The following RHBDL3 variants were observed in gnomAD, a reference collection of about 807,000 sequenced individuals.
RHBDL3 encodes rhomboid like 3, also known as rhomboid-related protein 3.
In RHBDL3, 28 loss-of-function variants were observed where a neutral mutation model predicts 48.2. The ratio of observed to expected loss-of-function variants is 0.58; its 90% CI spans 0.43 to 0.80. The LOEUF (loss-of-function observed/expected upper bound fraction) is 0.80, where lower values mean the gene tolerates loss of function less well. RHBDL3 is among the 30% of genes least tolerant of loss of function. RHBDL3 has a pLI of 0.00. For synonymous variants in RHBDL3, 208 were observed against 232.3 expected, an observed-to-expected ratio of 0.90 and a Z score of 0.95; for missense variants, 464 against 542.7, an observed-to-expected ratio of 0.85 and a Z score of 1.44.
Position 32,294,277 on chromosome 17 carries a change from C to G in RHBDL3, c.520-17C>G. On this transcript the variant is annotated splice_polypyrimidine_tract_variant and intron_variant, in intron 4 of 8. Transcript: ENST00000269051. ...GGCAGTGTGCACCTAGTAACAGACT[C>G]TCTCTCTTCTGTCCAGGTTGCCTTT... is the stretch of plus-strand genomic sequence containing the variant. The G allele has an allele frequency of 1.2e-6, 2 of 1,611,772 alleles. No individual in the cohort carries two copies. Among genetic ancestry groups the G allele is most frequent in the Non-Finnish European group, 1.7e-6 (2 of 1,178,698 alleles).
chr17:32,313,489 T>C (rs2040891845), intron 7 of RHBDL3, among the ~76,000 whole-genome samples: 1 of 152,230 alleles, frequency 6.6e-6, no homozygotes, highest in Non-Finnish European at 1.5e-5. Flanking sequence ...ATTCACATTG[T>C]ACAATCATCG....
At chr17:32,317,228 T>A (rs1015279928) in intron 8 of RHBDL3, among the ~76,000 whole-genome samples, 3 of 152,154 alleles carry the variant, frequency 2.0e-5, no homozygotes, top group Non-Finnish European at 4.4e-5. Flanking sequence ...GAAAAGTGCT[T>A]AAGGACCAGC....
intron 1 of RHBDL3, among the ~76,000 whole-genome samples, 192 bp downstream of exon 1, chr17:32,266,492 C>G (rs946109018): frequency 1.3e-5 from 2 of 152,138 alleles, no homozygotes; most frequent in African/African-American, 2.4e-5. Context: ...CCGCTTCCCC[C>G]GCTCTGGTTC....
At chr17:32,275,056 T>C (rs1398031827) in intron 2 of RHBDL3, among the ~76,000 whole-genome samples, 1 of 152,138 alleles carries the variant, frequency 6.6e-6, no homozygotes, top group Non-Finnish European at 1.5e-5. Context: ...CTGTTGGCTC[T>C]CTCTCCTCTG....
chr17:32,268,216 T>C (rs1351097337), intron 2 of RHBDL3, among the ~76,000 whole-genome samples: 3 of 152,102 alleles, frequency 2.0e-5, no homozygotes, highest in African/African-American at 7.2e-5. Context: ...TGGGAAATCC[T>C]CCATATGCCA....
At chr17:32,287,316 A>G (rs1461338414) in intron 3 of RHBDL3, among the ~76,000 whole-genome samples, 1 of 152,070 alleles carries the variant, frequency 6.6e-6, no homozygotes, top group Non-Finnish European at 1.5e-5. Context: ...AGTGGCCACA[A>G]AATAATCTGA....
intron 2 of RHBDL3, among the ~76,000 whole-genome samples, chr17:32,281,536 C>T (rs1044664192): frequency 5.3e-5 from 8 of 152,118 alleles, no homozygotes; most frequent in Non-Finnish European, 1.0e-4. Context: ...CCTTCTCAGC[C>T]CGCACCCCAC....
At chr17:32,310,625 A>G (rs1278134743) in intron 7 of RHBDL3, among the ~76,000 whole-genome samples, 1 of 152,134 alleles carries the variant, frequency 6.6e-6, no homozygotes, top group African/African-American at 2.4e-5. Flanking sequence ...AGGCAGAAGA[A>G]TCGCTTGAAC....
At chr17:32,281,945 C>A (rs2040062504) in intron 2 of RHBDL3, among the ~76,000 whole-genome samples, 2 of 152,212 alleles carry the variant, frequency 1.3e-5, no homozygotes, top group South Asian at 4.1e-4. Context: ...GAGGTGGAAT[C>A]CTGGCTCTGC....
chr17:32,314,897 C>T (rs1051346802), intron 7 of RHBDL3, among the ~76,000 whole-genome samples: 2 of 152,208 alleles, frequency 1.3e-5, no homozygotes, highest in Admixed American at 1.3e-4. Flanking sequence ...CATCTGCTTC[C>T]TAGCATGGAA....
At chr17:32,276,079 T>C (rs928395174) in intron 2 of RHBDL3, among the ~76,000 whole-genome samples, 10 of 152,106 alleles carry the variant, frequency 6.6e-5, no homozygotes, top group African/African-American at 2.4e-4. Context: ...TTTGTATCTG[T>C]TAAGTGGGAC....
Position 32,324,612 on chromosome 17 carries a change from A to G in RHBDL3, c.*3383A>G, listed in dbSNP as rs1271160636. On this transcript the variant is annotated 3_prime_UTR_variant, in exon 9 of 9. Transcript: ENST00000269051. ...ACATTCTGTATATTTTTGTTGTAAC[A>G]TATTATTTGAGCACAGATTCCATTA... The G allele has an allele frequency of 6.6e-6, 1 of 152,330 alleles. No individual in the cohort carries two copies. Among genetic ancestry groups the G allele is most frequent in the East Asian group, 1.9e-4 (1 of 5,200 alleles). The allele number at this position is 152,330 out of a possible 1,614,324, so 9.4% of individuals were successfully genotyped here.
At chr17:32,289,096 C>A in intron 4 of RHBDL3, 80 bp downstream of exon 4, 1 of 1,104,186 alleles carries the variant, frequency 9.1e-7, no homozygotes, top group Non-Finnish European at 1.4e-6. Context: ...GGATGACACA[C>A]AGATCATGGG....
chr17:32,274,854 TTGTG>T (rs965302156), intron 2 of RHBDL3, among the ~76,000 whole-genome samples: 319 of 151,832 alleles, frequency 2.1e-3, no homozygotes, highest in African/African-American at 6.5e-3. Flanking sequence ...GCATGTGTGT[TTGTG>T]TGTGCAAGAG....
chr17:32,299,183 C>A (rs967919426), intron 6 of RHBDL3, among the ~76,000 whole-genome samples: 2 of 152,022 alleles, frequency 1.3e-5, no homozygotes, highest in African/African-American at 4.8e-5. Context: ...TCAGGAGAGC[C>A]GGGCAGCGTC....
chr17:32,296,092 G>T (rs1042595639), intron 5 of RHBDL3, among the ~76,000 whole-genome samples: 1 of 151,672 alleles, frequency 6.6e-6, no homozygotes, highest in African/African-American at 2.4e-5. Flanking sequence ...GCCAGGCCTG[G>T]TGGCAGGCGC....
At chr17:32,283,045 C>G (rs1490432498) in intron 2 of RHBDL3, among the ~76,000 whole-genome samples, 1 of 152,280 alleles carries the variant, frequency 6.6e-6, no homozygotes, top group East Asian at 1.9e-4. Flanking sequence ...CTAGAAAAGG[C>G]GAAAACGTGG....
chr17:32,269,554 T>A (rs1389053902), intron 2 of RHBDL3, among the ~76,000 whole-genome samples: 2 of 152,126 alleles, frequency 1.3e-5, no homozygotes, highest in Non-Finnish European at 2.9e-5. Context: ...TGGTTTGAAG[T>A]TCAAAGCATG....
chr17:32,274,525 T>C (rs2039848763), intron 2 of RHBDL3, among the ~76,000 whole-genome samples: 1 of 152,178 alleles, frequency 6.6e-6, no homozygotes, highest in Non-Finnish European at 1.5e-5. Flanking sequence ...TGTTGTCTCA[T>C]TTTGATCTCT....
Sources: allele counts gnomAD v4.1 joint callset (sites outside exome capture counted in the v4.1 genomes callset), GRCh38; gene constraint gnomAD v4.1.1; transcripts MANE v1.5; gene names NCBI Gene and HGNC (gene_info 2026-07-23, HGNC 2026-07-21).